The following PUF60 variants were observed in gnomAD, a reference collection of about 807,000 sequenced individuals.
PUF60 encodes poly(U) binding splicing factor 60, also known as poly(U)-binding-splicing factor PUF60.
In PUF60, 10 loss-of-function variants were observed where a neutral mutation model predicts 61.8. The ratio of observed to expected loss-of-function variants is 0.16; its 90% CI spans 0.10 to 0.27. The LOEUF is 0.27. Among genes scored for constraint, PUF60 ranks in the 10% least tolerant of loss-of-function variants. The pLI is 1.00. For missense variants in PUF60, 371 were observed against 754.0 expected, an observed-to-expected ratio of 0.49 and a Z score of 5.95; for synonymous variants, 353 against 300.9, an observed-to-expected ratio of 1.17 and a Z score of -1.79.
chr8:143,827,616 G>A (rs1376641380), intron 1 of PUF60: 2 of 356,466 alleles, frequency 5.6e-6, no homozygotes, highest in African/African-American at 2.1e-5. Flanking sequence ...CCTTCTAGAA[G>A]CCTTTCCATC....
At chr8:143,821,951 C>G (rs1457992040) in intron 2 of PUF60, 38 bp from the exon 3 acceptor site, 2 of 1,509,976 alleles carry the variant, frequency 1.3e-6, no homozygotes, top group Non-Finnish European at 1.8e-6. Flanking sequence ...GCAGCAAGCT[C>G]AAGTTCTCCT....
At chr8:143,819,692 CAGGCTCCCCACTCAGAGCAA>C (rs1177976543) in intron 5 of PUF60, among the ~76,000 whole-genome samples, 1 of 152,168 alleles carries the variant, frequency 6.6e-6, no homozygotes, top group Non-Finnish European at 1.5e-5. Context: ...TGACAGACCT[CAGGCTCCCCACTCAGAGCAA>C]GACCCCCCCA....
At chr8:143,826,857 GC>G (rs1468605946) in intron 1 of PUF60, among the ~76,000 whole-genome samples, 2 of 152,182 alleles carry the variant, frequency 1.3e-5, no homozygotes, top group South Asian at 2.1e-4. Flanking sequence ...ATCCCAACAC[GC>G]CCCCAACCCC....
chr8:143,827,147 G>A, intron 1 of PUF60: 1 of 315,390 alleles, frequency 3.2e-6, no homozygotes, highest in South Asian at 2.4e-5. Flanking sequence ...AATCAAAGAT[G>A]ACTTCTGTGG....
chr8:143,819,944 A>G (rs542548985), intron 5 of PUF60, among the ~76,000 whole-genome samples: 90 of 152,300 alleles, frequency 5.9e-4, no homozygotes, highest in South Asian at 1.4e-3. Flanking sequence ...CATGGGAGCC[A>G]CACACAGGGA....
chr8:143,826,979 G>C (rs1030051648), intron 1 of PUF60: 2 of 213,578 alleles, frequency 9.4e-6, no homozygotes, highest in Admixed American at 1.1e-4. Flanking sequence ...CTGGCTGCAG[G>C]ACACTGCCTT....
chr8:143,821,142 G>A (rs1470515628), intron 4 of PUF60, among the ~76,000 whole-genome samples: 1 of 152,232 alleles, frequency 6.6e-6, no homozygotes, highest in Non-Finnish European at 1.5e-5. Flanking sequence ...CAAGGGAGGT[G>A]CCTCCAGACT....
At chr8:143,827,991 C>T (rs576406929) in intron 1 of PUF60, among the ~76,000 whole-genome samples, 1 of 152,360 alleles carries the variant, frequency 6.6e-6, no homozygotes, top group East Asian at 1.9e-4. Context: ...CTGACTGCTG[C>T]CTGAAGACAG....
At chr8:143,825,076 G>A (rs965470385) in intron 1 of PUF60, 5 of 152,706 alleles carry the variant, frequency 3.3e-5, no homozygotes, top group Non-Finnish European at 5.8e-5. Flanking sequence ...GGCAAAGACA[G>A]GCCACGGGCA....
rs777727934 is a variant in PUF60 at position 143,818,020 on chromosome 8, T to G, written c.659A>C (p.Glu220Ala). ...GATGCGGTTGAAGGCCCGTGCCTCC[T>G]CAGCCAACTGGTCTATGATGGGCTG... The part of the protein sequence containing the change: ...QAQPIIDQLA[E>A]EARAFNRIYV... Residue 220 changes from glutamate (E) to alanine (A), a missense_variant, in exon 8 of 12, where the codon GAG (glutamate) becomes GCG (alanine). Coordinates refer to ENST00000526683, the MANE Select transcript of PUF60 (RefSeq NM_078480.3). This position sits in a 1 kb window ranked among gnomAD's most constrained non-coding sequence, Gnocchi z 7.9. The G allele has an allele frequency of 4.3e-6, 7 of 1,612,890 alleles. No individual in the cohort carries two copies. In the Admixed American group the frequency reaches 1.2e-4, roughly 27 times the overall value.
In PUF60 at chr8:143,818,548, G is replaced by A; in HGVS notation, c.349-14C>T. 2.5e-6 allele frequency: 4 copies of A among 1,572,040 alleles called. No individual in the cohort carries two copies. Among genetic ancestry groups the A allele is most frequent in the Non-Finnish European group, 3.5e-6 (4 of 1,158,720 alleles). ...CTGAGCCGCCATCTGCAGCAGGACA[G>A]AGGGGAGAGAACCGCTGGCTCGTCA... On this transcript the variant is annotated splice_polypyrimidine_tract_variant and intron_variant, in intron 5 of 11. Transcript: ENST00000526683. This position sits in a 1 kb window ranked among gnomAD's most constrained non-coding sequence, Gnocchi z 7.9.
At chr8:143,820,774 G>A (rs768226509) in intron 4 of PUF60, 58 bp from the exon 5 acceptor site, 25 of 1,499,214 alleles carry the variant, frequency 1.7e-5, no homozygotes, top group Non-Finnish European at 2.1e-5. Flanking sequence ...TCCCGCTCTC[G>A]TCAACACCTC....
intron 2 of PUF60, chr8:143,822,688 C>T (rs1817158397): frequency 2.4e-6 from 1 of 413,600 alleles, no homozygotes. Context: ...TGATGCCAAC[C>T]AGGATTATGT....
chr8:143,823,655 G>A (rs1817279497), intron 2 of PUF60, among the ~76,000 whole-genome samples: 1 of 152,336 alleles, frequency 6.6e-6, no homozygotes. Flanking sequence ...AGGCCACCTT[G>A]CTGAGGCCCC....
chr8:143,822,913 A>C lies in PUF60; in HGVS notation c.112-1000T>G, dbSNP rs756551538. 4.9e-4 allele frequency: 139 copies of C among 282,014 alleles called. 1 individual carries two copies. Among genetic ancestry groups the C allele is most frequent in the Non-Finnish European group, 7.9e-4 (111 of 141,334 alleles). 17.5% of individuals were successfully genotyped at this position (282,014 alleles called of 1,614,324 possible). ...GACACAGCCTTGAGGGACAGCAGAG[A>C]AGAGAGAAGGGTCCCCAGCACAGAA... On this transcript the variant is annotated intron_variant, in intron 2 of 11. Transcript: ENST00000526683.
At chr8:143,827,497 T>C (rs1344057712) in intron 1 of PUF60, 1 of 455,268 alleles carries the variant, frequency 2.2e-6, no homozygotes, top group Admixed American at 2.4e-5. Flanking sequence ...CAGGCCACTG[T>C]CAGCCAAGTT....
chr8:143,820,443 T>G, intron 5 of PUF60: 1 of 590,296 alleles, frequency 1.7e-6, no homozygotes, highest in Non-Finnish European at 3.0e-6. Flanking sequence ...GGCCGATTAG[T>G]TTTAAGGTGG....
At chr8:143,816,856 T>G (rs781159310) in intron 11 of PUF60, 37 bp from the exon 12 acceptor site, 1 of 1,600,270 alleles carries the variant, frequency 6.2e-7, no homozygotes, top group Admixed American at 1.7e-5. Flanking sequence ...AGCTGAGCAC[T>G]GCGGCCCCGC....
At chr8:143,821,771 C>T in intron 3 of PUF60, 47 bp downstream of exon 3, 1 of 1,578,312 alleles carries the variant, frequency 6.3e-7, no homozygotes, top group South Asian at 1.1e-5. Context: ...CCCCTGCCCC[C>T]AGTTGACTGT....
Sources: gnomAD v4.1 joint callset for allele counts (sites outside exome capture counted in the v4.1 genomes callset) on GRCh38, gnomAD v4.1.1 for gene constraint, Gnocchi (gnomAD v3.1) non-coding constraint, MANE v1.5 for transcripts, NCBI Gene and HGNC (gene_info 2026-07-23, HGNC 2026-07-21) for gene names.